Variants in DDX43 observed in about 807,000 individuals in gnomAD.
DDX43 encodes probable ATP-dependent RNA helicase DDX43.
Under a neutral mutation model 84.9 loss-of-function variants are expected in DDX43, and 50 were observed. That is an observed-to-expected ratio of 0.59 (90% confidence interval 0.47 to 0.75). The LOEUF (loss-of-function observed/expected upper bound fraction) is 0.75, where lower values mean the gene tolerates loss of function less well. DDX43 is among the 30% of genes least tolerant of loss of function. The pLI is 0.00. For synonymous variants in DDX43, 291 were observed against 266.3 expected, an observed-to-expected ratio of 1.09 and a Z score of -0.90; for missense variants, 689 against 798.6, an observed-to-expected ratio of 0.86 and a Z score of 1.65.
At chr6:73,411,814 C>T (rs1191661976) in intron 10 of DDX43, among the ~76,000 whole-genome samples, 2 of 152,182 alleles carry the variant, frequency 1.3e-5, no homozygotes, top group African/African-American at 4.8e-5. Context: ...TTTCCTGCCT[C>T]AGCCTCCGGA....
rs771860442 is a variant in DDX43, at chr6:73,404,788, C to G, written c.650+17C>G. On this transcript the variant is annotated intron_variant, in intron 5 of 16. Coordinates refer to ENST00000370336, the MANE Select transcript of DDX43 (RefSeq NM_018665.3). ...TAGTTGGAGGTGGGTAGTTTCATTA[C>G]CTAGTTGTGTAAGTATTTGTATAGT... is the stretch of plus-strand genomic sequence containing the variant. 1 of 1,584,774 alleles carries G rather than the reference C, an allele frequency of 6.3e-7. No homozygotes were observed. The highest frequency in any genetic ancestry group is 1.4e-5 in the African/African-American group (1 of 74,002).
chr6:73,412,668 T>TGTGTGTGTGTGTGTGTGTGCGCGCGC (rs538597626), intron 11 of DDX43, among the ~76,000 whole-genome samples: 1 of 108,396 alleles, frequency 9.2e-6, no homozygotes, highest in Non-Finnish European at 1.8e-5. Flanking sequence ...TGTGTGTGTG[T>TGTGTGTGTGTGTGTGTGTGCGCGCGC]GCGCGCGCGC....
chr6:73,397,591 G>C (rs566766780), intron 1 of DDX43, 98 bp from the exon 2 acceptor site: 2 of 938,362 alleles, frequency 2.1e-6, no homozygotes, highest in Non-Finnish European at 3.3e-6. Flanking sequence ...GGAGCATTTG[G>C]GGGGAAGAAC....
At position 73,412,637 on chromosome 6, in the gene DDX43, T is replaced by TAG. The variant is rs1562286060; in HGVS notation, c.1368+346_1368+347dup. 7.8e-4 allele frequency among the ~76,000 whole-genome samples: 28 copies of TAG among 35,912 alleles called. 1 individual carries two copies. Among genetic ancestry groups the TAG allele is most frequent in the South Asian group, 1.5e-3 (1 of 650 alleles). 23.6% of individuals were successfully genotyped at this position (35,912 alleles called of 152,430 possible). ...CCTGGGTTCAAGTGATATATATATATAGTGTGTGTGTGTGTGTGTGTGTGT... is the reference window on the plus strand; with the variant it reads ...CCTGGGTTCAAGTGATATATATATATAGAGTGTGTGTGTGTGTGTGTGTGTGT... On this transcript the variant is annotated intron_variant, in intron 11 of 16. Coordinates refer to ENST00000370336, the MANE Select transcript of DDX43 (RefSeq NM_018665.3).
At chr6:73,415,050 C>A (rs1769875563) in intron 14 of DDX43, among the ~76,000 whole-genome samples, 1 of 152,090 alleles carries the variant, frequency 6.6e-6, no homozygotes, top group African/African-American at 2.4e-5. Context: ...GTAATCCTAG[C>A]ACTTTGGGAG....
intron 1 of DDX43, among the ~76,000 whole-genome samples, chr6:73,395,432 C>T (rs1337776336): frequency 6.6e-6 from 1 of 152,024 alleles, no homozygotes; most frequent in Non-Finnish European, 1.5e-5. Flanking sequence ...TGGCAAAACC[C>T]TGTCTCTACT....
rs1301521656 is a variant in DDX43 at position 73,395,120 on chromosome 6, T to A, written c.215T>A (p.Phe72Tyr). 3.7e-6 allele frequency: 6 copies of A among 1,613,872 alleles called. No individual in the cohort carries two copies. The highest frequency in any genetic ancestry group is 5.1e-6 in the Non-Finnish European group (6 of 1,179,906). ...AAGHEELPLC[F>Y]ALKSHFVGAV... Reference sequence around the variant, plus strand: ...GGTCACGAGGAACTGCCGCTGTGTTTTGCTTTGAAGAGCCACTTTGTTGGC... The same window carrying A: ...GGTCACGAGGAACTGCCGCTGTGTTATGCTTTGAAGAGCCACTTTGTTGGC... The change falls in exon 1 of 17, where the codon TTT becomes TAT. Residue 72 changes from phenylalanine (F) to tyrosine (Y), a missense_variant. Coordinates refer to ENST00000370336, the MANE Select transcript of DDX43 (RefSeq NM_018665.3).
chr6:73,406,916 A>G (rs1052581099), intron 7 of DDX43: 2 of 153,660 alleles, frequency 1.3e-5, no homozygotes, highest in Non-Finnish European at 2.9e-5. Flanking sequence ...AACTAACACT[A>G]ATCTCTCAGT....
chr6:73,405,528 A>G (rs564632675), intron 5 of DDX43, 151 bp from the exon 6 acceptor site: 8 of 691,704 alleles, frequency 1.2e-5, no homozygotes, highest in Non-Finnish European at 1.4e-5. Context: ...TCCTGCTTCT[A>G]TTTCTTTATG....
Position 73,407,525 on chromosome 6 carries a change from G to A in DDX43, c.947G>A (p.Arg316Lys), listed in dbSNP as rs1769706732. Residue 316 changes from arginine (R) to lysine (K), a missense_variant, in exon 8 of 17, where the codon AGA becomes AAA. Around this residue, in one of 2 missense-constraint regions of DDX43, gnomAD observed 552 missense variants for 692.7 expected, o/e 0.80. Transcript: ENST00000370336. ...LQPSLKGQRN[R>K]PGMLVLTPTR... Reference sequence around the variant, plus strand: ...CAAAGCCTTAAAGGTCAAAGGAATAGACCCGGCATGTTAGTTCTAACTCCC... The same window carrying A: ...CAAAGCCTTAAAGGTCAAAGGAATAAACCCGGCATGTTAGTTCTAACTCCC... The A allele has an allele frequency of 6.2e-7, 1 of 1,612,984 alleles. No homozygotes were observed. The highest frequency in any genetic ancestry group is 1.3e-5 in the African/African-American group (1 of 74,898).
At chr6:73,398,171 T>C (rs1659531341) in intron 2 of DDX43, among the ~76,000 whole-genome samples, 1 of 152,180 alleles carries the variant, frequency 6.6e-6, no homozygotes, top group Non-Finnish European at 1.5e-5. Context: ...GTTGCCAAAG[T>C]TCTTCATACT....
At chr6:73,404,853 A>G in intron 5 of DDX43, 82 bp downstream of exon 5, 1 of 1,065,228 alleles carries the variant, frequency 9.4e-7, no homozygotes, top group South Asian at 1.4e-5. Context: ...ATGTGAAATG[A>G]TATTTGAAGG....
chr6:73,400,513 G>C (rs1562283125), intron 3 of DDX43, 150 bp downstream of exon 3: 5 of 675,514 alleles, frequency 7.4e-6, no homozygotes, highest in Non-Finnish European at 1.1e-5. Context: ...TGAAAGCCCA[G>C]AATATTTTTC....
Position 73,413,687 on chromosome 6 carries a change from T to C in DDX43, c.1398T>C (p.Ile466=). ...TAAGTTCAGTGAAGCAAAATATAAT[T>C]GTAACCACCGAGGAAGAGAAATGGA... ...VAVSSVKQNI[I]VTTEEEKWSH... Residue 466 remains isoleucine (I), a synonymous_variant, in exon 12 of 17, where the codon ATT becomes ATC. Transcript: ENST00000370336. 1 of 1,613,796 alleles carries C rather than the reference T, an allele frequency of 6.2e-7. No homozygotes were observed. The highest frequency in any genetic ancestry group is 8.5e-7 in the Non-Finnish European group (1 of 1,179,898).
intron 4 of DDX43, among the ~76,000 whole-genome samples, chr6:73,402,238 G>A (rs1769589344): frequency 6.6e-6 from 1 of 151,876 alleles, no homozygotes; most frequent in Non-Finnish European, 1.5e-5. Context: ...TAATAAAATA[G>A]GAAAAAATCA....
chr6:73,407,411 G>A (rs1582638991), intron 7 of DDX43, 94 bp from the exon 8 acceptor site: 8 of 870,562 alleles, frequency 9.2e-6, no homozygotes, highest in Admixed American at 6.2e-5. Context: ...GAGCCACCAC[G>A]TCTGGCTTGT....
chr6:73,416,083 TC>T, intron 15 of DDX43, 29 bp from the exon 16 acceptor site: 1 of 1,163,588 alleles, frequency 8.6e-7, no homozygotes, highest in East Asian at 2.3e-5. Context: ...GAACTCAGAA[TC>T]CTAATAACAA....
intron 13 of DDX43, 73 bp from the exon 14 acceptor site, chr6:73,414,475 G>A: frequency 2.5e-6 from 3 of 1,217,356 alleles, no homozygotes; most frequent in Non-Finnish European, 3.5e-6. Context: ...ATTAGTTAGG[G>A]CAAATATTAT....
intron 1 of DDX43, among the ~76,000 whole-genome samples, chr6:73,397,297 T>G (rs1769491350): frequency 6.6e-6 from 1 of 152,228 alleles, no homozygotes; most frequent in African/African-American, 2.4e-5. Context: ...TGGACCTGAT[T>G]AGTGATGTTG....
Sources: gnomAD v4.1 joint callset for allele counts (sites outside exome capture counted in the v4.1 genomes callset) on GRCh38, gnomAD v4.1.1 for gene constraint, gnomAD v4.1.1 regional missense constraint, MANE v1.5 for transcripts, NCBI Gene and HGNC (gene_info 2026-07-23, HGNC 2026-07-21) for gene names.